Variants in CATSPERD observed in about 807,000 individuals in gnomAD.
The protein encoded by CATSPERD is cation channel sperm-associated auxiliary subunit delta.
Under a neutral mutation model 98.1 loss-of-function variants are expected in CATSPERD, and 86 were observed. The ratio of observed to expected loss-of-function variants is 0.88; its 90% CI spans 0.74 to 1.05. CATSPERD has a LOEUF of 1.05. Ranked by LOEUF, CATSPERD falls within the 50% of genes least tolerant of loss-of-function variation. The pLI, the probability that CATSPERD is intolerant of heterozygous loss-of-function variation, is 0.00. For missense variants in CATSPERD, 995 were observed against 1,005.7 expected, an observed-to-expected ratio of 0.99 and a Z score of 0.14; for synonymous variants, 394 against 390.2, an observed-to-expected ratio of 1.01 and a Z score of -0.12.
intron 4 of CATSPERD, among the ~76,000 whole-genome samples, chr19:5,731,934 GGTTTTGTTTT>G (rs960188295): frequency 2.3e-4 from 35 of 151,782 alleles, no homozygotes; most frequent in African/African-American, 7.7e-4. Context: ...CATCCAAGAA[GGTTTTGTTTT>G]GTTTTGTTTT....
In CATSPERD at chr19:5,772,524, G is replaced by A. The variant is rs2056668993; in HGVS notation, c.1764-264G>A. 1.2e-5 allele frequency: 5 copies of A among 429,354 alleles called. No individual in the cohort carries two copies. In the Admixed American group the frequency reaches 2.0e-4, roughly 17 times the overall value. 26.6% of individuals were successfully genotyped at this position (429,354 alleles called of 1,614,324 possible). A position where few individuals can be genotyped will look rare whatever the true frequency, so the allele number is the denominator to read the frequency against. ...TTACGGGCGTGAGCCGCCGCGCCTAGCTCCGAGCAGACTTTTCCTTCCACC... is the reference window on the plus strand; with the variant it reads ...TTACGGGCGTGAGCCGCCGCGCCTAACTCCGAGCAGACTTTTCCTTCCACC... On this transcript the variant is annotated intron_variant, in intron 19 of 21. Transcript: ENST00000381624.
At chr19:5,749,259 A>T in intron 11 of CATSPERD, 76 bp downstream of exon 11, 1 of 1,010,806 alleles carries the variant, frequency 9.9e-7, no homozygotes, top group Non-Finnish European at 1.5e-6. Flanking sequence ...TGGGAGGCTG[A>T]GGTGGAAGGA....
At chr19:5,767,526 C>T (rs894510694) in intron 17 of CATSPERD, among the ~76,000 whole-genome samples, 11 of 150,584 alleles carry the variant, frequency 7.3e-5, no homozygotes, top group African/African-American at 2.7e-4. Flanking sequence ...CTTGCTCTGT[C>T]GCCCAGGCTG....
chr19:5,734,587 G>A (rs1430760951), intron 5 of CATSPERD, among the ~76,000 whole-genome samples: 6 of 151,828 alleles, frequency 4.0e-5, no homozygotes, highest in African/African-American at 9.7e-5. Context: ...GCGGTGAGCC[G>A]AGATTGTGCC....
rs147760170 is a variant in CATSPERD at position 5,766,348 on chromosome 19, G to A, written c.1559+193G>A. The stretch of plus-strand genomic sequence containing the variant: ...CACCTGCAATCTCGGCTACTTGGGA[G>A]GCTGAGGCTGGAGGATCACTTGAAC... On this transcript the variant is annotated intron_variant, in intron 17 of 21. Coordinates refer to ENST00000381624, the MANE Select transcript of CATSPERD (RefSeq NM_152784.4). Among the ~76,000 whole-genome samples, 161 of 151,922 alleles carry A rather than the reference G, an allele frequency of 1.1e-3. 4 individuals carry two copies. Among genetic ancestry groups the A allele is most frequent in the African/African-American group, 3.6e-3 (149 of 41,452 alleles).
At chr19:5,751,531 C>CAAAAAAAAAA (rs57266365) in intron 11 of CATSPERD, 116 bp from the exon 12 acceptor site, 3 of 155,742 alleles carry the variant, frequency 1.9e-5, no homozygotes, top group African/African-American at 1.8e-4. Flanking sequence ...GAGACTCCAT[C>CAAAAAAAAAA]AAAAAAAAAA....
intron 7 of CATSPERD, among the ~76,000 whole-genome samples, chr19:5,742,734 G>A (rs2056013277): frequency 2.6e-5 from 4 of 151,972 alleles, no homozygotes; most frequent in Admixed American, 2.6e-4. Flanking sequence ...CGCTACAGTG[G>A]GGTGTGATCG....
intron 7 of CATSPERD, among the ~76,000 whole-genome samples, chr19:5,743,740 TG>T (rs34394413): frequency 0.32 from 47,565 of 149,890 alleles, 8,416 homozygotes; most frequent in East Asian, 0.69. Context: ...CTGCAAGATG[TG>T]GGAGGTAGCC....
At position 5,731,753 on chromosome 19, in the gene CATSPERD, T is replaced by A. The variant is rs1162004834; in HGVS notation, c.276+1809T>A. ...ACCGCGCCCGGCTAATTTTTTGTAT[T>A]TTTAGTAGAGACGGGGTTTCACCTT... On this transcript the variant is annotated intron_variant, in intron 4 of 21. Transcript: ENST00000381624. Among the ~76,000 whole-genome samples the A allele has an allele frequency of 4.7e-5, 7 of 149,498 alleles. No individual in the cohort carries two copies. The South Asian group carries it at 1.3e-3, about 27-fold the overall frequency.
intron 13 of CATSPERD, 142 bp downstream of exon 13, chr19:5,754,387 C>CTG: frequency 2.6e-6 from 1 of 381,784 alleles, no homozygotes; most frequent in Non-Finnish European, 4.9e-6. Flanking sequence ...GAAATTGTCT[C>CTG]TGTGTCTTTT....
intron 10 of CATSPERD, among the ~76,000 whole-genome samples, chr19:5,748,612 CAG>C (rs1020083552): frequency 9.0e-6 from 1 of 111,026 alleles, no homozygotes. Context: ...CTGGGCGACA[CAG>C]TGAGACTCCA....
intron 19 of CATSPERD, among the ~76,000 whole-genome samples, chr19:5,771,533 C>T (rs1297497830): frequency 2.0e-5 from 3 of 151,790 alleles, no homozygotes; most frequent in Non-Finnish European, 2.9e-5. Context: ...CCACTGCGCC[C>T]GGCCGATGGG....
intron 4 of CATSPERD, among the ~76,000 whole-genome samples, chr19:5,730,691 G>T (rs1325384967): frequency 6.6e-6 from 1 of 151,764 alleles, no homozygotes; most frequent in Admixed American, 6.6e-5. Flanking sequence ...AAGACAGGAG[G>T]CTCACTTGAG....
At chr19:5,747,617 T>G (rs974326733) in intron 9 of CATSPERD, among the ~76,000 whole-genome samples, 1 of 143,066 alleles carries the variant, frequency 7.0e-6, no homozygotes, top group Non-Finnish European at 1.5e-5. Context: ...TTTCTTTTTT[T>G]TTTTTTTTTT....
At chr19:5,761,416 A>AATGGATGGATGGATGG (rs550185518) in intron 15 of CATSPERD, among the ~76,000 whole-genome samples, 9 of 19,818 alleles carry the variant, frequency 4.5e-4, no homozygotes, top group African/African-American at 1.4e-3. Flanking sequence ...TTCAGAAATT[A>AATGGATGGATGGATGG]ATGGATGGAT....
At chr19:5,748,127 G>A (rs573039918) in intron 9 of CATSPERD, 33 bp from the exon 10 acceptor site, 14 of 1,568,236 alleles carry the variant, frequency 8.9e-6, no homozygotes, top group East Asian at 2.2e-5. Context: ...GGATGTACAC[G>A]GGGCCTCATG....
intron 5 of CATSPERD, among the ~76,000 whole-genome samples, chr19:5,736,397 T>C (rs2055846206): frequency 2.0e-5 from 3 of 152,086 alleles, no homozygotes; most frequent in African/African-American, 2.4e-5. Context: ...ATTTCAGTAG[T>C]GTTGAGGCTG....
chr19:5,736,047 G>C (rs2055839122), intron 5 of CATSPERD, among the ~76,000 whole-genome samples: 1 of 152,006 alleles, frequency 6.6e-6, no homozygotes. Flanking sequence ...AAAGTGCTGG[G>C]ATTACAGGCA....
chr19:5,761,767 A>G (rs1270303024), intron 15 of CATSPERD, among the ~76,000 whole-genome samples: 14 of 150,828 alleles, frequency 9.3e-5, no homozygotes, highest in Non-Finnish European at 1.9e-4. Context: ...CAATGGCACG[A>G]TCTCGGCTCA....
Sources: gnomAD v4.1 joint callset for allele counts (sites outside exome capture counted in the v4.1 genomes callset) on GRCh38, gnomAD v4.1.1 for gene constraint, MANE v1.5 for transcripts, NCBI Gene and HGNC (gene_info 2026-07-23, HGNC 2026-07-21) for gene names.